The following SFMBT2 variants were observed in gnomAD, a reference collection of about 807,000 sequenced individuals.
The protein encoded by SFMBT2 is Scm like with four mbt domains 2.
In SFMBT2, 38 loss-of-function variants were observed where a neutral mutation model predicts 110.1. The observed-to-expected ratio is 0.35, with a 90% CI of 0.27 to 0.45. The LOEUF (loss-of-function observed/expected upper bound fraction) is 0.45. SFMBT2 is among the 20% of genes least tolerant of loss of function. SFMBT2 has a pLI of 1.00. For missense variants in SFMBT2, 1,011 were observed against 1,094.9 expected, an observed-to-expected ratio of 0.92 and a Z score of 1.08; for synonymous variants, 425 against 425.4, an observed-to-expected ratio of 1.00 and a Z score of 0.01.
In SFMBT2 at chr10:7,160,920, T is replaced by C. The variant is rs970177120; in HGVS notation, c.*2850A>G. On this transcript the variant is annotated 3_prime_UTR_variant, in exon 21 of 21. Transcript: ENST00000397167. ...CACCTCCTGGGTCCTAAAATCTTTC[T>C]GGGCTCTCCTCAAGGACCGGAGAGA... The C allele has an allele frequency of 6.6e-6, 1 of 152,232 alleles. No homozygotes were observed. Among genetic ancestry groups the C allele is most frequent in the Non-Finnish European group, 1.5e-5 (1 of 68,056 alleles). 9.4% of individuals were successfully genotyped at this position (152,232 alleles called of 1,614,324 possible). A position where few individuals can be genotyped will look rare whatever the true frequency, so the allele number is the denominator to read the frequency against.
chr10:7,363,798 C>G lies in SFMBT2; in HGVS notation c.436+3851G>C, dbSNP rs559492904. ...TAATAGCAAAGGCAAGATAAGAACT[C>G]AGATCTTGGGCTGCAGCCACAGGCC... On this transcript the variant is annotated intron_variant, in intron 4 of 20. Transcript: ENST00000397167. 5.9e-5 allele frequency among the ~76,000 whole-genome samples: 9 copies of G among 152,270 alleles called. No homozygotes were observed. The South Asian group carries it at 1.9e-3, about 32-fold the overall frequency.
chr10:7,241,354 T>A (rs1840425040), intron 9 of SFMBT2: 2 of 981,072 alleles, frequency 2.0e-6, no homozygotes, highest in African/African-American at 1.7e-5. Flanking sequence ...AAAAGAGTTA[T>A]AGTTTCTTAT....
chr10:7,368,390 T>C (rs1255897696), intron 3 of SFMBT2: 2 of 984,946 alleles, frequency 2.0e-6, no homozygotes, highest in Admixed American at 1.2e-4. Flanking sequence ...CTACCAGCCC[T>C]CAACCCCAGA....
At chr10:7,205,979 AG>A (rs1419973909) in intron 11 of SFMBT2, 51 bp from the exon 12 acceptor site, 1 of 1,605,676 alleles carries the variant, frequency 6.2e-7, no homozygotes. Flanking sequence ...TTACCAACAA[AG>A]AAATAGAAGG....
At position 7,207,501 on chromosome 10, in the gene SFMBT2, AGGAAG is replaced by A. The variant is rs1378367982; in HGVS notation, c.1331-1578_1331-1574del. On this transcript the variant is annotated intron_variant, in intron 11 of 20. Coordinates refer to ENST00000397167, the MANE Select transcript of SFMBT2 (RefSeq NM_001387889.1). ...AGGAAGGAAGGAAGGAAGGAAAGGG[AGGAAG>A]GAAAGGGGAAAGAGGGAGGGAGGGA... 2.1e-3 allele frequency: 72 copies of A among 34,062 alleles called. 1 individual carries two copies. Among genetic ancestry groups the A allele is most frequent in the East Asian group, 6.8e-3 (2 of 294 alleles). The allele number at this position is 34,062 out of a possible 1,614,324, so 2.1% of individuals were successfully genotyped here.
intron 1 of SFMBT2, among the ~76,000 whole-genome samples, chr10:7,402,500 T>C (rs1004308699): frequency 6.6e-6 from 1 of 152,240 alleles, no homozygotes; most frequent in Non-Finnish European, 1.5e-5. Context: ...ACCATCAAAC[T>C]ATGGTTTATT....
intron 16 of SFMBT2, among the ~76,000 whole-genome samples, chr10:7,187,151 T>C (rs1202689479): frequency 6.6e-6 from 1 of 152,226 alleles, no homozygotes; most frequent in Admixed American, 6.5e-5. Context: ...TCTGGCTTAT[T>C]TAGAGGCAGG....
chr10:7,395,190 G>A (rs11255108), intron 1 of SFMBT2, among the ~76,000 whole-genome samples: 10 of 152,116 alleles, frequency 6.6e-5, no homozygotes, highest in Admixed American at 2.6e-4. Flanking sequence ...GTGGTGGCGC[G>A]CACCTGTAAT....
At chr10:7,202,639 G>A (rs898250201) in intron 12 of SFMBT2, 117 bp from the exon 13 acceptor site, 1 of 1,562,114 alleles carries the variant, frequency 6.4e-7, no homozygotes, top group Non-Finnish European at 8.7e-7. Flanking sequence ...TTTAAATGCT[G>A]AAAAGTTACG....
At chr10:7,287,182 C>T (rs528072649) in intron 4 of SFMBT2, among the ~76,000 whole-genome samples, 1 of 151,134 alleles carries the variant, frequency 6.6e-6, no homozygotes, top group Admixed American at 6.6e-5. Flanking sequence ...CAGGTTCACG[C>T]CATTCTCCTG....
At chr10:7,251,714 C>T (rs897036205) in intron 7 of SFMBT2, among the ~76,000 whole-genome samples, 59 of 152,170 alleles carry the variant, frequency 3.9e-4, no homozygotes, top group African/African-American at 1.4e-3. Flanking sequence ...CAGTCACTCC[C>T]GGCACATTCA....
chr10:7,308,733 G>C (rs1040539632), intron 4 of SFMBT2, among the ~76,000 whole-genome samples: 1 of 152,114 alleles, frequency 6.6e-6, no homozygotes, highest in Admixed American at 6.6e-5. Flanking sequence ...AACGTGCTGG[G>C]GAAGCTACCG....
intron 7 of SFMBT2, among the ~76,000 whole-genome samples, chr10:7,258,877 T>G (rs1032671092): frequency 6.6e-6 from 1 of 152,234 alleles, no homozygotes; most frequent in South Asian, 2.1e-4. Context: ...AGTGAAGTAT[T>G]TGTAACAAAA....
chr10:7,167,936 C>T (rs1189668439), intron 20 of SFMBT2, among the ~76,000 whole-genome samples: 1 of 152,036 alleles, frequency 6.6e-6, no homozygotes, highest in Non-Finnish European at 1.5e-5. Context: ...GGCATGGTGG[C>T]GGGTGCCTGT....
At chr10:7,175,150 T>C (rs897582666) in intron 17 of SFMBT2, among the ~76,000 whole-genome samples, 1 of 152,206 alleles carries the variant, frequency 6.6e-6, no homozygotes, top group African/African-American at 2.4e-5. Flanking sequence ...GGAACGTGGC[T>C]GGCAGAGCTA....
chr10:7,197,507 T>C, intron 15 of SFMBT2, 41 bp downstream of exon 15: 1 of 1,595,592 alleles, frequency 6.3e-7, no homozygotes, highest in Non-Finnish European at 8.6e-7. Flanking sequence ...TTTTAAAAAA[T>C]CCTGTTAAAA....
chr10:7,354,503 G>A (rs1026161427), intron 4 of SFMBT2, among the ~76,000 whole-genome samples: 1 of 152,052 alleles, frequency 6.6e-6, no homozygotes, highest in African/African-American at 2.4e-5. Flanking sequence ...AGACGGGACA[G>A]GTGGGAAAGG....
At chr10:7,168,446 T>C (rs772038764) in intron 20 of SFMBT2, among the ~76,000 whole-genome samples, 2 of 152,162 alleles carry the variant, frequency 1.3e-5, no homozygotes, top group Non-Finnish European at 2.9e-5. Context: ...ATTAGAGTAA[T>C]ACAGAATGCC....
intron 11 of SFMBT2, among the ~76,000 whole-genome samples, chr10:7,217,058 T>C (rs921832401): frequency 2.0e-4 from 30 of 152,218 alleles, no homozygotes; most frequent in Admixed American, 1.8e-3. Flanking sequence ...TGATTGATAA[T>C]AAATCTTGTA....
Sources: gnomAD v4.1 joint callset for allele counts (sites outside exome capture counted in the v4.1 genomes callset) on GRCh38, gnomAD v4.1.1 for gene constraint, MANE v1.5 for transcripts, NCBI Gene and HGNC (gene_info 2026-07-23, HGNC 2026-07-21) for gene names.